HMCN1: variants seen among roughly 807,000 people sequenced by gnomAD.
HMCN1 encodes hemicentin 1.
HMCN1 carries 321 observed loss-of-function variants against 625.9 expected under a neutral mutation model. The ratio of observed to expected loss-of-function variants is 0.51; its 90% CI spans 0.47 to 0.56. The LOEUF is 0.56. Ranked by LOEUF, HMCN1 falls within the 20% of genes least tolerant of loss-of-function variation. The pLI, the probability that HMCN1 is intolerant of heterozygous loss-of-function variation, is 0.00. For synonymous variants in HMCN1, 2,425 were observed against 2,417.6 expected, an observed-to-expected ratio of 1.00 and a Z score of -0.09; for missense variants, 6,588 against 6,887.3, an observed-to-expected ratio of 0.96 and a Z score of 1.54.
intron 1 of HMCN1, among the ~76,000 whole-genome samples, chr1:185,826,665 C>A (rs891160325): frequency 2.6e-5 from 4 of 152,132 alleles, no homozygotes; most frequent in Admixed American, 6.5e-5. Context: ...GAGCAAACAG[C>A]CAGTCTTCAT....
intron 69 of HMCN1, 61 bp from the exon 70 acceptor site, chr1:186,106,819 ATATT>A: frequency 8.9e-7 from 1 of 1,125,698 alleles, no homozygotes; most frequent in Non-Finnish European, 1.4e-6. Flanking sequence ...ATTCTAGTGG[ATATT>A]TATTTTAATA....
chr1:186,010,860 A>AT (rs1653955525), intron 30 of HMCN1, among the ~76,000 whole-genome samples: 1 of 152,136 alleles, frequency 6.6e-6, no homozygotes, highest in East Asian at 1.9e-4. Flanking sequence ...AAAGAAACAA[A>AT]TTTCTACAAA....
intron 20 of HMCN1, among the ~76,000 whole-genome samples, chr1:185,988,165 T>A (rs1476764787): frequency 6.6e-6 from 1 of 152,238 alleles, no homozygotes; most frequent in Non-Finnish European, 1.5e-5. Context: ...TATAAAGTTC[T>A]GTGGTATAGT....
chr1:186,180,077 T>G lies in HMCN1; in HGVS notation c.16294+1311T>G, dbSNP rs12072477. ...TCTTCTACCACCAAACATTAATGCATTAACAATTCTCTACATTTTGTCCCA... is the reference window on the plus strand; with the variant it reads ...TCTTCTACCACCAAACATTAATGCAGTAACAATTCTCTACATTTTGTCCCA... On this transcript the variant is annotated intron_variant, in intron 104 of 106. Transcript: ENST00000271588. 2.8e-3 allele frequency among the ~76,000 whole-genome samples: 427 copies of G among 152,326 alleles called. 2 individuals are homozygous for G. Among genetic ancestry groups the G allele is most frequent in the African/African-American group, 9.8e-3 (409 of 41,578 alleles).
intron 1 of HMCN1, among the ~76,000 whole-genome samples, chr1:185,790,711 A>G (rs1300678189): frequency 6.6e-6 from 1 of 152,206 alleles, no homozygotes; most frequent in Non-Finnish European, 1.5e-5. Flanking sequence ...TCCAGGCACT[A>G]ATTGCTGATT....
intron 16 of HMCN1, among the ~76,000 whole-genome samples, chr1:185,979,114 C>G (rs1363128998): frequency 1.3e-5 from 2 of 152,100 alleles, no homozygotes; most frequent in Non-Finnish European, 2.9e-5. Flanking sequence ...ATATAGGGTC[C>G]CTCACTCAGG....
At chr1:185,776,997 A>G (rs910424978) in intron 1 of HMCN1, among the ~76,000 whole-genome samples, 2 of 152,252 alleles carry the variant, frequency 1.3e-5, no homozygotes, top group African/African-American at 4.8e-5. Context: ...CAGTGCAGTT[A>G]TGCAGCAGAT....
intron 6 of HMCN1, among the ~76,000 whole-genome samples, chr1:185,913,124 C>G (rs907032019): frequency 6.6e-6 from 1 of 152,062 alleles, no homozygotes; most frequent in Non-Finnish European, 1.5e-5. Context: ...TCTCAGAACT[C>G]TAAGCCCTGT....
chr1:185,782,927 A>G (rs1163856125), intron 1 of HMCN1, among the ~76,000 whole-genome samples: 1 of 152,136 alleles, frequency 6.6e-6, no homozygotes. Flanking sequence ...CCTGGATAAT[A>G]TCCTGCAGAG....
chr1:186,012,828 G>A (rs114194708), intron 30 of HMCN1, among the ~76,000 whole-genome samples: 3 of 152,020 alleles, frequency 2.0e-5, no homozygotes, highest in Non-Finnish European at 4.4e-5. Flanking sequence ...TTGAAAAATC[G>A]GGAATATTGT....
In HMCN1 at chr1:185,970,375, C is replaced by T. The variant is rs1446629231; in HGVS notation, c.2253C>T (p.Asp751=). Residue 751 remains aspartate (D), a synonymous_variant, in exon 15 of 107, where the codon GAC becomes GAT. Coordinates refer to ENST00000271588, the MANE Select transcript of HMCN1 (RefSeq NM_031935.3). ...GGCCCTCAACATTCCTCATTATTGACCCTCTCTTGGGACTTTTGAAGATTC... is the reference window on the plus strand; with the variant it reads ...GGCCCTCAACATTCCTCATTATTGATCCTCTCTTGGGACTTTTGAAGATTC... ...ELRPSTFLII[D]PLLGLLKIQE... The T allele has an allele frequency of 6.2e-7, 1 of 1,613,702 alleles. No individual in the cohort carries two copies. Among genetic ancestry groups the T allele is most frequent in the Non-Finnish European group, 8.5e-7 (1 of 1,179,650 alleles).
intron 105 of HMCN1, among the ~76,000 whole-genome samples, chr1:186,185,301 T>A (rs1220503685): frequency 6.6e-6 from 1 of 152,154 alleles, no homozygotes; most frequent in Non-Finnish European, 1.5e-5. Context: ...GGACAATGAA[T>A]ATGAAGAGAA....
intron 26 of HMCN1, 46 bp from the exon 27 acceptor site, chr1:186,001,252 A>G: frequency 6.5e-7 from 1 of 1,544,048 alleles, no homozygotes; most frequent in Non-Finnish European, 8.9e-7. Flanking sequence ...TCTATAAATA[A>G]TATTTATTAT....
chr1:186,092,726 T>A (rs1236159526), intron 64 of HMCN1, among the ~76,000 whole-genome samples: 2 of 152,140 alleles, frequency 1.3e-5, no homozygotes, highest in Non-Finnish European at 2.9e-5. Flanking sequence ...TCCTATTGTG[T>A]TTTTTATTAA....
At chr1:186,050,499 TA>T (rs917779473) in intron 42 of HMCN1, among the ~76,000 whole-genome samples, 3 of 150,014 alleles carry the variant, frequency 2.0e-5, no homozygotes, top group South Asian at 2.1e-4. Context: ...GAAAACCCAG[TA>T]AAAAAAAATG....
In HMCN1 at chr1:186,067,861, G is replaced by C; in HGVS notation, c.7733G>C (p.Ser2578Thr). 6.2e-7 allele frequency: 1 copy of C among 1,613,076 alleles called. No individual in the cohort carries two copies. The highest frequency in any genetic ancestry group is 1.7e-5 in the Admixed American group (1 of 59,992). ...TCTCCTACAATTGCTGGTGTAGGTA[G>C]TGATGGCAACCCTGAAGATGTCACT... is the stretch of plus-strand genomic sequence containing the variant. ...FVSPTIAGVG[S>T]DGNPEDVTVI... The change falls in exon 50 of 107, where the codon AGT becomes ACT. Residue 2578 changes from serine to threonine, a missense_variant. Transcript: ENST00000271588.
intron 36 of HMCN1, among the ~76,000 whole-genome samples, chr1:186,033,559 T>C (rs1400633527): frequency 1.3e-5 from 2 of 151,896 alleles, no homozygotes; most frequent in African/African-American, 2.4e-5. Flanking sequence ...ATAGTTATAC[T>C]ACATTTTTAT....
intron 80 of HMCN1, among the ~76,000 whole-genome samples, chr1:186,120,856 A>G (rs975917440): frequency 2.6e-5 from 4 of 152,248 alleles, no homozygotes; most frequent in African/African-American, 9.6e-5. Flanking sequence ...TATGGTGTTT[A>G]TACATTGATG....
intron 6 of HMCN1, among the ~76,000 whole-genome samples, chr1:185,919,792 C>G (rs1229143447): frequency 6.6e-6 from 1 of 152,168 alleles, no homozygotes; most frequent in Non-Finnish European, 1.5e-5. Flanking sequence ...CACTTAACCT[C>G]TCTTATTCAT....
Sources: allele counts gnomAD v4.1 joint callset (sites outside exome capture counted in the v4.1 genomes callset), GRCh38; gene constraint gnomAD v4.1.1; transcripts MANE v1.5; gene names NCBI Gene and HGNC (gene_info 2026-07-23, HGNC 2026-07-21).